The following CDH3 variants were observed in gnomAD, a reference collection of about 807,000 sequenced individuals.
CDH3 encodes the protein cadherin 3, also known as cadherin-3.
Under a neutral mutation model 82.0 loss-of-function variants are expected in CDH3, and 54 were observed. The observed-to-expected ratio is 0.66, with a 90% confidence interval of 0.53 to 0.83. CDH3 has a LOEUF of 0.83. CDH3 is among the 40% of genes least tolerant of loss of function. The probability of loss-of-function intolerance (pLI) is 0.00; values close to 1 mark genes in which losing one functional copy is unlikely to be tolerated. For missense variants in CDH3, 1,054 were observed against 1,084.6 expected (o/e 0.97, Z 0.40); for synonymous variants, 446 against 437.9 (o/e 1.02, Z -0.23).
intron 15 of CDH3, among the ~76,000 whole-genome samples, chr16:68,697,151 T>G (rs1961751854): frequency 6.6e-6 from 1 of 151,796 alleles, no homozygotes; most frequent in African/African-American, 2.4e-5. Flanking sequence ...GGTAAAACCC[T>G]GTCTCTACTA....
intron 1 of CDH3, among the ~76,000 whole-genome samples, chr16:68,712,823 A>G (rs1962047136): frequency 6.6e-6 from 1 of 152,122 alleles, no homozygotes; most frequent in Non-Finnish European, 1.5e-5. Context: ...CTGGGATTAC[A>G]GGCCTGTGCC....
downstream of CDH3, among the ~76,000 whole-genome samples, chr16:68,727,782 G>A (rs556894236): frequency 6.6e-6 from 1 of 152,192 alleles, no homozygotes; most frequent in African/African-American, 2.4e-5. Context: ...GGTAGTGCAT[G>A]CCTGTAATCC....
At chr16:68,681,537 A>C (rs1460331132) in intron 8 of CDH3, among the ~76,000 whole-genome samples, 1 of 152,216 alleles carries the variant, frequency 6.6e-6, no homozygotes, top group Non-Finnish European at 1.5e-5. Flanking sequence ...TTAGGTCTGA[A>C]TAAAAATTTG....
Position 68,680,973 on chromosome 16 carries a change from C to G in CDH3, c.873C>G (p.Val291=), listed in dbSNP as rs369749641. 18 of 1,613,960 alleles carry G rather than the reference C, an allele frequency of 1.1e-5. No individual in the cohort carries two copies. The highest frequency in any genetic ancestry group is 1.4e-5 in the Non-Finnish European group (17 of 1,179,994). The change falls in exon 8 of 16, where the codon GTC becomes GTG. Residue 291 remains valine (V), a synonymous_variant. Coordinates refer to ENST00000264012, the MANE Select transcript of CDH3 (RefSeq NM_001793.6). The stretch of plus-strand genomic sequence containing the variant: ...CCCCTCTCCTTTCTCCCCAGAAAGT[C>G]CCTGAGTACACACTGACCATCCAGG... The part of the protein sequence containing the change: ...VISSGLDREK[V]PEYTLTIQAT...
intron 1 of CDH3, among the ~76,000 whole-genome samples, chr16:68,709,775 C>T (rs1962005553): frequency 6.6e-6 from 1 of 152,128 alleles, no homozygotes; most frequent in African/African-American, 2.4e-5. Context: ...TTTCTAAAGA[C>T]GGCACCATCA....
At chr16:68,716,891 T>C (rs962524611) in intron 1 of CDH3, among the ~76,000 whole-genome samples, 7 of 150,986 alleles carry the variant, frequency 4.6e-5, no homozygotes, top group Non-Finnish European at 1.0e-4. Flanking sequence ...GCCCAGATTT[T>C]TTTCTTTTTT....
rs1322776953 is a variant in CDH3 at position 68,712,032 on chromosome 16, G to GTTT, written c.100-10391_100-10389dup. Among the ~76,000 whole-genome samples, 449 of 85,880 alleles carry GTTT rather than the reference G, an allele frequency of 5.2e-3. 5 individuals are homozygous for GTTT. The highest frequency in any genetic ancestry group is 0.017 in the African/African-American group (402 of 23,098). The allele number at this position is 85,880 out of a possible 152,430, so 56.3% of individuals were successfully genotyped here. On this transcript the variant is annotated intron_variant, in intron 1 of 2. Coordinates refer to the CDH3 transcript ENST00000569080. Reference sequence around the variant, plus strand: ...TTTTGTTTGTTTCTTGGGTTTTTTTGTTTTCTTTTTTTTTTTTTTTTTTGA... The same window carrying GTTT: ...TTTTGTTTGTTTCTTGGGTTTTTTTGTTTTTTTCTTTTTTTTTTTTTTTTTTGA...
chr16:68,684,558 G>A (rs200217318), intron 9 of CDH3, 25 bp from the exon 10 acceptor site: 20 of 1,613,902 alleles, frequency 1.2e-5, no homozygotes, highest in African/African-American at 1.1e-4. Context: ...TGGTGGTCCA[G>A]GTCCTTCTTC....
At chr16:68,657,604 C>G (rs946559040) in intron 2 of CDH3, among the ~76,000 whole-genome samples, 4 of 152,150 alleles carry the variant, frequency 2.6e-5, no homozygotes, top group African/African-American at 9.7e-5. Flanking sequence ...GGAGAGGGCT[C>G]AGAGCCAAGG....
chr16:68,685,247 C>T lies in CDH3; in HGVS notation c.1467C>T (p.Asp489=), dbSNP rs370389172. ...LRDPAGWLAM[D]PDSGQVTAVG... ...ACCCAGCAGGGTGGCTAGCCATGGA[C>T]CCAGACAGTGGGCAGGTCACAGCTG... is the stretch of plus-strand genomic sequence containing the variant. The change falls in exon 11 of 16, where the codon GAC becomes GAT. Residue 489 remains aspartate (D), a synonymous_variant. Transcript: ENST00000264012. 1.9e-6 allele frequency: 3 copies of T among 1,614,012 alleles called. No homozygotes were observed. The highest frequency in any genetic ancestry group is 1.3e-5 in the African/African-American group (1 of 74,922).
rs376127764 is a variant in CDH3, at chr16:68,694,734, C to T, written c.2003-521C>T. 5.9e-5 allele frequency among the ~76,000 whole-genome samples: 9 copies of T among 152,232 alleles called. 1 individual carries two copies. In the East Asian group the frequency reaches 1.7e-3, roughly 29 times the overall value. Reference sequence around the variant, plus strand: ...AAGTCTGTGGCTAATTAGGGGACATCTGGTGACTAAAAGAGAGTCTCATTG... The same window carrying T: ...AAGTCTGTGGCTAATTAGGGGACATTTGGTGACTAAAAGAGAGTCTCATTG... On this transcript the variant is annotated intron_variant, in intron 13 of 15. Coordinates refer to ENST00000264012, the MANE Select transcript of CDH3 (RefSeq NM_001793.6).
Position 68,653,929 on chromosome 16 carries a change from G to A in CDH3, c.160+8179G>A, listed in dbSNP as rs1167374939. On this transcript the variant is annotated intron_variant, in intron 2 of 15. Coordinates refer to ENST00000264012, the MANE Select transcript of CDH3 (RefSeq NM_001793.6). ...AGACGAGGTTTCGCCATGTTAGCCAGGATGGTCTCGATCTCCTGACCTCAT... is the reference window on the plus strand; with the variant it reads ...AGACGAGGTTTCGCCATGTTAGCCAAGATGGTCTCGATCTCCTGACCTCAT... 3.3e-5 allele frequency among the ~76,000 whole-genome samples: 5 copies of A among 151,642 alleles called. No homozygotes were observed. The East Asian group carries it at 9.8e-4, about 30-fold the overall frequency.
chr16:68,680,185 T>G (rs1391056359), intron 7 of CDH3, among the ~76,000 whole-genome samples: 2 of 152,228 alleles, frequency 1.3e-5, no homozygotes, highest in African/African-American at 4.8e-5. Flanking sequence ...TTAAATCTCC[T>G]CCAGGGCTGG....
intron 2 of CDH3, among the ~76,000 whole-genome samples, chr16:68,649,274 C>T (rs1421465306): frequency 6.6e-6 from 1 of 152,142 alleles, no homozygotes; most frequent in Non-Finnish European, 1.5e-5. Context: ...TAAAAACTAA[C>T]CATCAGCTTT....
At chr16:68,731,051 T>C (rs1417625358), downstream of CDH3, among the ~76,000 whole-genome samples, 6 of 23,174 alleles carry the variant, frequency 2.6e-4, no homozygotes, top group Admixed American at 6.0e-4. Context: ...AAAAAAAATA[T>C]ATATATATAT....
At position 68,698,630 on chromosome 16, in the gene CDH3, G is replaced by C. The variant is rs1347504347; in HGVS notation, c.*230G>C. The stretch of plus-strand genomic sequence containing the variant: ...CTGAAAACCTCTCCACCTGGGCCAG[G>C]GTTGCCTCAGAGGCCAAGTTTCCAG... On this transcript the variant is annotated 3_prime_UTR_variant, in exon 16 of 16. Coordinates refer to ENST00000264012, the MANE Select transcript of CDH3 (RefSeq NM_001793.6). 3 of 572,554 alleles carry C rather than the reference G, an allele frequency of 5.2e-6. No homozygotes were observed. The African/African-American group carries it at 5.6e-5, about 11-fold the overall frequency. The allele number at this position is 572,554 out of a possible 1,614,324, so 35.5% of individuals were successfully genotyped here. A position where few individuals can be genotyped will look rare whatever the true frequency, so the allele number is the denominator to read the frequency against.
downstream of CDH3, among the ~76,000 whole-genome samples, chr16:68,731,755 T>C (rs1476774274): frequency 6.6e-6 from 1 of 151,898 alleles, no homozygotes; most frequent in Non-Finnish European, 1.5e-5. Flanking sequence ...GAGGATTGGC[T>C]TGAGCCCAGG....
chr16:68,651,272 G>A (rs1960234055), intron 2 of CDH3: 3 of 543,226 alleles, frequency 5.5e-6, no homozygotes, highest in Non-Finnish European at 1.1e-5. Flanking sequence ...TCATAGATGT[G>A]CAGCTGGGTC....
intron 2 of CDH3, among the ~76,000 whole-genome samples, chr16:68,661,986 C>T (rs1057338226): frequency 1.3e-5 from 2 of 152,222 alleles, no homozygotes; most frequent in African/African-American, 2.4e-5. Context: ...CCACGGCGCC[C>T]AGCCAATCAC....
Sources: allele counts gnomAD v4.1 joint callset (sites outside exome capture counted in the v4.1 genomes callset), GRCh38; gene constraint gnomAD v4.1.1; transcripts MANE v1.5; gene names NCBI Gene and HGNC (gene_info 2026-07-23, HGNC 2026-07-21).